DLG2: variants seen among roughly 807,000 people sequenced by gnomAD.
DLG2 encodes discs large MAGUK scaffold protein 2.
Under a neutral mutation model 132.5 loss-of-function variants are expected in DLG2, and 45 were observed. The observed-to-expected ratio is 0.34, with a 90% CI of 0.27 to 0.44. DLG2 has a LOEUF of 0.44. Among genes scored for constraint, DLG2 ranks in the 20% least tolerant of loss-of-function variants. The pLI, the probability that DLG2 is intolerant of heterozygous loss-of-function variation, is 1.00. For missense variants in DLG2, 1,045 were observed against 1,196.9 expected (o/e 0.87, Z 1.87); for synonymous variants, 424 against 419.6 (o/e 1.01, Z -0.13).
chr11:84,437,238 C>G (rs2099003456), intron 7 of DLG2: 1 of 152,174 alleles, frequency 6.6e-6, no homozygotes, highest in Non-Finnish European at 1.5e-5. Context: ...CTAAGTGTTA[C>G]CCCTTTTCAT....
chr11:83,542,328 G>A (rs1043777992), intron 19 of DLG2, among the ~76,000 whole-genome samples: 11 of 152,036 alleles, frequency 7.2e-5, no homozygotes. Flanking sequence ...CTTTTATAAT[G>A]GGAAAAAATG....
chr11:84,335,278 G>A (rs1383481699), intron 7 of DLG2, among the ~76,000 whole-genome samples: 2 of 151,384 alleles, frequency 1.3e-5, no homozygotes, highest in Admixed American at 1.3e-4. Context: ...GGGAGGGAGG[G>A]AGGAAAAGGT....
chr11:83,666,985 G>T (rs1298445798), intron 18 of DLG2, among the ~76,000 whole-genome samples: 1 of 152,080 alleles, frequency 6.6e-6, no homozygotes, highest in Non-Finnish European at 1.5e-5. Context: ...TCCAAACCCA[G>T]GCATACACCG....
At chr11:85,027,970 G>C (rs954414826) in intron 6 of DLG2, among the ~76,000 whole-genome samples, 2 of 152,174 alleles carry the variant, frequency 1.3e-5, no homozygotes, top group African/African-American at 4.8e-5. Context: ...CTAAGTTCTT[G>C]TCCACATCCA....
At chr11:84,099,356 T>C (rs2092189717) in intron 9 of DLG2, among the ~76,000 whole-genome samples, 1 of 152,068 alleles carries the variant, frequency 6.6e-6, no homozygotes, top group Non-Finnish European at 1.5e-5. Flanking sequence ...TGAAAAAATA[T>C]AAAGAATCAT....
Position 84,046,301 on chromosome 11 carries a change from G to A in DLG2, c.919+13014C>T, listed in dbSNP as rs1209568498. 3.3e-5 allele frequency among the ~76,000 whole-genome samples: 5 copies of A among 151,636 alleles called. No homozygotes were observed. In the East Asian group the frequency reaches 9.7e-4, roughly 30 times the overall value. ...AAACGTAATGAGTGAAAATATATGA[G>A]TGAATCTGTGTATTGAGAGAGATCA... On this transcript the variant is annotated intron_variant, in intron 11 of 27. Coordinates refer to ENST00000376104, the MANE Select transcript of DLG2 (RefSeq NM_001142699.3).
At chr11:85,364,250 T>A (rs2084371074) in intron 3 of DLG2, among the ~76,000 whole-genome samples, 1 of 152,186 alleles carries the variant, frequency 6.6e-6, no homozygotes, top group African/African-American at 2.4e-5. Context: ...CCAACCATAT[T>A]CCTTAGGCCT....
chr11:85,292,415 G>A (rs569627367), intron 3 of DLG2, among the ~76,000 whole-genome samples: 1 of 151,744 alleles, frequency 6.6e-6, no homozygotes, highest in Non-Finnish European at 1.5e-5. Context: ...CCTAGACCCA[G>A]TGAAAGCAAG....
intron 8 of DLG2, among the ~76,000 whole-genome samples, chr11:84,189,123 A>G (rs2154289198): frequency 6.6e-6 from 1 of 152,316 alleles, no homozygotes; most frequent in South Asian, 2.1e-4. Flanking sequence ...GGTTGATGCT[A>G]ACGTCTTACT....
intron 2 of DLG2, chr11:85,625,368 T>C (rs1396825059): frequency 1.3e-5 from 2 of 152,200 alleles, no homozygotes; most frequent in Non-Finnish European, 2.9e-5. Context: ...CAATTGTGTC[T>C]GGTCTGGACA....
At chr11:83,782,532 TA>T (rs955570795) in intron 18 of DLG2, among the ~76,000 whole-genome samples, 2 of 152,134 alleles carry the variant, frequency 1.3e-5, no homozygotes, top group African/African-American at 4.8e-5. Flanking sequence ...CTAAGCAGAT[TA>T]AAAATGGCTT....
chr11:83,638,686 T>C (rs749807009), intron 18 of DLG2, among the ~76,000 whole-genome samples: 3 of 152,164 alleles, frequency 2.0e-5, no homozygotes, highest in Non-Finnish European at 2.9e-5. Context: ...GAGCCACAGA[T>C]GGCCATACTT....
intron 7 of DLG2, among the ~76,000 whole-genome samples, chr11:84,327,007 T>C (rs1279548737): frequency 1.3e-5 from 2 of 152,090 alleles, no homozygotes; most frequent in African/African-American, 4.8e-5. Context: ...TATAGTTTAT[T>C]ACCATTTTCC....
At chr11:83,828,701 A>C (rs1006740401) in intron 17 of DLG2, among the ~76,000 whole-genome samples, 1 of 152,134 alleles carries the variant, frequency 6.6e-6, no homozygotes, top group Non-Finnish European at 1.5e-5. Context: ...AACTATCCAA[A>C]AGAGGCCCTC....
chr11:84,320,990 TGAAA>T (rs1383329839), intron 7 of DLG2, among the ~76,000 whole-genome samples: 3 of 152,210 alleles, frequency 2.0e-5, no homozygotes, highest in Non-Finnish European at 2.9e-5. Flanking sequence ...TTAAAGATTC[TGAAA>T]GAAACACTAG....
intron 16 of DLG2, among the ~76,000 whole-genome samples, chr11:83,868,896 C>T (rs899498657): frequency 6.6e-6 from 1 of 152,176 alleles, no homozygotes; most frequent in Non-Finnish European, 1.5e-5. Context: ...ACAGATGGAT[C>T]TCTGAATGTG....
At chr11:83,721,292 A>T (rs2153684847) in intron 18 of DLG2, among the ~76,000 whole-genome samples, 1 of 152,308 alleles carries the variant, frequency 6.6e-6, no homozygotes. Context: ...TTTTATTTGC[A>T]TGGTTCCAAT....
chr11:85,398,369 C>A (rs1469861331), intron 3 of DLG2, among the ~76,000 whole-genome samples: 1 of 152,034 alleles, frequency 6.6e-6, no homozygotes, highest in African/African-American at 2.4e-5. Flanking sequence ...ATTAAAAGAA[C>A]TAGAGAAGCT....
intron 6 of DLG2, among the ~76,000 whole-genome samples, chr11:84,788,070 C>T (rs1477974177): frequency 1.6e-5 from 2 of 126,970 alleles, no homozygotes; most frequent in African/African-American, 6.2e-5. Flanking sequence ...CACTGCATTC[C>T]AGCCTGGGTG....
Sources: allele counts gnomAD v4.1 joint callset (sites outside exome capture counted in the v4.1 genomes callset), GRCh38; gene constraint gnomAD v4.1.1; transcripts MANE v1.5; gene names NCBI Gene and HGNC (gene_info 2026-07-23, HGNC 2026-07-21).